The following MFSD1 variants were observed in gnomAD, a reference collection of about 807,000 sequenced individuals.
The protein encoded by MFSD1 is lysosomal dipeptide transporter MFSD1.
MFSD1 carries 59 observed loss-of-function variants against 67.1 expected under a neutral mutation model. The ratio of observed to expected loss-of-function variants is 0.88; its 90% CI spans 0.71 to 1.09. MFSD1 has a LOEUF of 1.09. Ranked by LOEUF, MFSD1 falls within the 50% of genes least tolerant of loss-of-function variation. MFSD1 has a pLI of 0.00. For missense variants in MFSD1, 552 were observed against 566.1 expected, an observed-to-expected ratio of 0.97 and a Z score of 0.25; for synonymous variants, 213 against 200.3, an observed-to-expected ratio of 1.06 and a Z score of -0.54.
rs58055234 is a variant in MFSD1, at chr3:158,819,626, CTTTT to C, written c.653-10_653-7del. The C allele has an allele frequency of 0.014, 15,164 of 1,095,512 alleles. 5 individuals carry two copies. The highest frequency in any genetic ancestry group is 0.016 in the Middle Eastern group (73 of 4,540). The allele number at this position is 1,095,512 out of a possible 1,614,324, so 67.9% of individuals were successfully genotyped here. On this transcript the variant is annotated intron_variant, in intron 7 of 15. Coordinates refer to ENST00000415822, the MANE Select transcript of MFSD1 (RefSeq NM_022736.4). ...GGTTCTCTTTTCAAAGTCTGTTTTTCTTTTTTTTTTTTTTTTATTTAGGGGGTAT... is the reference window on the plus strand; with the variant it reads ...GGTTCTCTTTTCAAAGTCTGTTTTTCTTTTTTTTTTTTATTTAGGGGGTAT...
intron 12 of MFSD1, 88 bp from the exon 13 acceptor site, chr3:158,824,036 C>T: frequency 2.2e-6 from 2 of 902,184 alleles, no homozygotes; most frequent in Non-Finnish European, 3.5e-6. Context: ...GTATATGGTT[C>T]ACAGATACTA....
intron 14 of MFSD1, among the ~76,000 whole-genome samples, chr3:158,826,958 AT>A (rs1356454569): frequency 1.3e-5 from 2 of 152,130 alleles, no homozygotes; most frequent in East Asian, 3.9e-4. Context: ...ACACCTGTTC[AT>A]TTCCTTTAAT....
chr3:158,810,873 A>G (rs1309157228), intron 6 of MFSD1, among the ~76,000 whole-genome samples: 1 of 152,164 alleles, frequency 6.6e-6, no homozygotes, highest in Non-Finnish European at 1.5e-5. Context: ...TTTTGCCTAT[A>G]AGGATATTCC....
intron 1 of MFSD1, among the ~76,000 whole-genome samples, chr3:158,803,014 T>C (rs1729537417): frequency 6.6e-6 from 1 of 152,214 alleles, no homozygotes; most frequent in Non-Finnish European, 1.5e-5. Context: ...CTTCAGTGAA[T>C]AGATATTGTT....
intron 7 of MFSD1, 57 bp downstream of exon 7, chr3:158,814,124 A>G: frequency 7.3e-7 from 1 of 1,362,790 alleles, no homozygotes; most frequent in South Asian, 1.2e-5. Context: ...CATAGGAAGT[A>G]TCATAGCAGG....
At chr3:158,827,120 G>T (rs1731012541) in intron 14 of MFSD1, among the ~76,000 whole-genome samples, 160 bp from the exon 15 acceptor site, 1 of 152,112 alleles carries the variant, frequency 6.6e-6, no homozygotes, top group South Asian at 2.1e-4. Flanking sequence ...CTTTGGGAAG[G>T]TTCCAGTAGA....
intron 15 of MFSD1, 122 bp downstream of exon 15, chr3:158,827,459 G>C: frequency 1.8e-6 from 1 of 548,248 alleles, no homozygotes; most frequent in East Asian, 3.4e-5. Flanking sequence ...TTGTCGTCCA[G>C]GCTGGAGTGT....
chr3:158,817,058 G>T (rs954823487), intron 7 of MFSD1, among the ~76,000 whole-genome samples: 1 of 152,126 alleles, frequency 6.6e-6, no homozygotes, highest in Non-Finnish European at 1.5e-5. Flanking sequence ...CTGTAGCCTT[G>T]TAGTATAGTT....
At chr3:158,807,556 A>G in intron 5 of MFSD1, 93 bp downstream of exon 5, 1 of 999,396 alleles carries the variant, frequency 1.0e-6, no homozygotes, top group Non-Finnish European at 1.5e-6. Context: ...CTTCTGGGGA[A>G]TTACTTCAAA....
chr3:158,807,262 T>C (rs928042559), intron 4 of MFSD1, 134 bp from the exon 5 acceptor site: 1 of 946,060 alleles, frequency 1.1e-6, no homozygotes, highest in African/African-American at 1.7e-5. Context: ...ACATTAATAT[T>C]TTAACTTCAC....
chr3:158,816,594 G>A (rs895551779), intron 7 of MFSD1, among the ~76,000 whole-genome samples: 8 of 151,100 alleles, frequency 5.3e-5, no homozygotes, highest in African/African-American at 1.9e-4. Flanking sequence ...CTCCCATTTT[G>A]TAGGTTGCCT....
At position 158,802,195 on chromosome 3, in the gene MFSD1, G is replaced by A. The variant is rs768128375; in HGVS notation, c.43G>A (p.Gly15Ser). 9 of 1,611,182 alleles carry A rather than the reference G, an allele frequency of 5.6e-6. No homozygotes were observed. Among genetic ancestry groups the A allele is most frequent in the Admixed American group, 5.0e-5 (3 of 59,752 alleles). Residue 15 changes from glycine (G) to serine (S), a missense_variant, in exon 1 of 16, where the codon GGC becomes AGC. Transcript: ENST00000415822. ...GGAAGCGCGGGCGCTCCTGGCAGGC[G>A]GCCCTGACGAGGCCGACAGAGGTGC... ...DEEARALLAGGPDEADRGAPA... is the reference protein window; with the variant it reads ...DEEARALLAGSPDEADRGAPA...
intron 3 of MFSD1, among the ~76,000 whole-genome samples, chr3:158,806,052 T>A (rs1729710375): frequency 6.6e-6 from 1 of 152,156 alleles, no homozygotes; most frequent in South Asian, 2.1e-4. Context: ...TATTATTGTG[T>A]GTATGTTGTT....
intron 15 of MFSD1, among the ~76,000 whole-genome samples, chr3:158,827,710 C>T (rs1470168038): frequency 6.6e-6 from 1 of 152,046 alleles, no homozygotes; most frequent in East Asian, 1.9e-4. Context: ...GCCACTGCGC[C>T]TGGCCTGGGC....
intron 14 of MFSD1, among the ~76,000 whole-genome samples, chr3:158,826,372 T>C (rs749074094): frequency 1.3e-5 from 2 of 152,134 alleles, no homozygotes; most frequent in Non-Finnish European, 2.9e-5. Context: ...CTCTGTGTTA[T>C]TGTCCTACGT....
chr3:158,811,389 T>C (rs1008925339), intron 6 of MFSD1, among the ~76,000 whole-genome samples: 1 of 152,224 alleles, frequency 6.6e-6, no homozygotes, highest in Admixed American at 6.5e-5. Context: ...CAGTTGCATA[T>C]ACAGGTGTAG....
At chr3:158,826,542 T>C (rs1270555082) in intron 14 of MFSD1, among the ~76,000 whole-genome samples, 1 of 152,010 alleles carries the variant, frequency 6.6e-6, no homozygotes, top group Non-Finnish European at 1.5e-5. Context: ...GATTTTGATG[T>C]TGTCATTAGT....
chr3:158,820,394 A>G (rs1730611506), intron 9 of MFSD1, 68 bp downstream of exon 9: 1 of 1,083,530 alleles, frequency 9.2e-7, no homozygotes, highest in African/African-American at 1.5e-5. Context: ...ACATAAATGT[A>G]GTTTTTAAAG....
chr3:158,818,095 A>G (rs1455750907), intron 7 of MFSD1, among the ~76,000 whole-genome samples: 2 of 152,160 alleles, frequency 1.3e-5, no homozygotes, highest in Admixed American at 6.5e-5. Flanking sequence ...CTGGGCAGGC[A>G]GTTTGTCTAA....
Sources: allele counts gnomAD v4.1 joint callset (sites outside exome capture counted in the v4.1 genomes callset), GRCh38; gene constraint gnomAD v4.1.1; transcripts MANE v1.5; gene names NCBI Gene and HGNC (gene_info 2026-07-23, HGNC 2026-07-21).